SNTG1: variants seen among roughly 807,000 people sequenced by gnomAD.
The protein encoded by SNTG1 is gamma-1-syntrophin.
A neutral mutation model predicts 74.7 loss-of-function variants in SNTG1; 39 were observed. That is an observed-to-expected ratio of 0.52 (90% CI 0.40 to 0.68). The LOEUF is 0.68. Ranked by LOEUF, SNTG1 falls within the 30% of genes least tolerant of loss-of-function variation. The pLI is 0.00. For missense variants in SNTG1, 685 were observed against 609.5 expected (o/e 1.12, Z -1.30); for synonymous variants, 254 against 217.1 (o/e 1.17, Z -1.49).
rs1191795989 is a variant in SNTG1 at position 50,421,055 on chromosome 8, G to T, written c.163-17488G>T. ...AAAAAAAGGCGGTGGGCGGGGGAGG[G>T]GGGGGCGAAGATAAAGGGACATTTA... is the stretch of plus-strand genomic sequence containing the variant. On this transcript the variant is annotated intron_variant, in intron 4 of 18. Coordinates refer to ENST00000642720, the MANE Select transcript of SNTG1 (RefSeq NM_018967.5). Among the ~76,000 whole-genome samples the T allele has an allele frequency of 1.4e-4, 17 of 122,954 alleles. 1 individual carries two copies. The highest frequency in any genetic ancestry group is 6.2e-4 in the South Asian group (2 of 3,208). The allele number at this position is 122,954 out of a possible 152,430, so 80.7% of individuals were successfully genotyped here.
chr8:50,587,386 C>T (rs1034835950), intron 12 of SNTG1, among the ~76,000 whole-genome samples: 3 of 152,016 alleles, frequency 2.0e-5, no homozygotes, highest in Non-Finnish European at 4.4e-5. Flanking sequence ...AATGAATGCA[C>T]AGTGTTATAA....
At chr8:50,622,457 T>G (rs1261678667) in intron 13 of SNTG1, among the ~76,000 whole-genome samples, 1 of 152,128 alleles carries the variant, frequency 6.6e-6, no homozygotes, top group Non-Finnish European at 1.5e-5. Context: ...TTAGGGAAAA[T>G]AGTGTTTGAA....
At chr8:50,497,986 A>T (rs1226942182) in intron 8 of SNTG1, among the ~76,000 whole-genome samples, 1 of 151,888 alleles carries the variant, frequency 6.6e-6, no homozygotes, top group Admixed American at 6.6e-5. Flanking sequence ...TTATAAGGAT[A>T]TATCTCAGTT....
intron 18 of SNTG1, among the ~76,000 whole-genome samples, chr8:50,787,931 T>C (rs2095680323): frequency 6.6e-6 from 1 of 152,058 alleles, no homozygotes; most frequent in African/African-American, 2.4e-5. Context: ...TAGTTGTACA[T>C]CTGTGAATAT....
At chr8:50,594,259 A>G (rs1563623845) in intron 13 of SNTG1, among the ~76,000 whole-genome samples, 1 of 152,154 alleles carries the variant, frequency 6.6e-6, no homozygotes. Flanking sequence ...ATAATTTATT[A>G]TGTGTGTCAT....
intron 4 of SNTG1, among the ~76,000 whole-genome samples, chr8:50,424,647 G>A (rs1483073965): frequency 1.3e-5 from 2 of 152,188 alleles, no homozygotes; most frequent in African/African-American, 2.4e-5. Context: ...ACAGGAGGAT[G>A]TATGAGTCCA....
intron 18 of SNTG1, among the ~76,000 whole-genome samples, chr8:50,791,500 C>T (rs2095690525): frequency 6.6e-6 from 1 of 151,680 alleles, no homozygotes; most frequent in Admixed American, 6.6e-5. Flanking sequence ...TGTTGCATGA[C>T]CTGAGAAAAT....
intron 18 of SNTG1, among the ~76,000 whole-genome samples, chr8:50,767,464 C>T (rs1447530307): frequency 6.6e-6 from 1 of 151,904 alleles, no homozygotes; most frequent in African/African-American, 2.4e-5. Context: ...CCTCTGATAG[C>T]AAAAATTCAT....
intron 1 of SNTG1, among the ~76,000 whole-genome samples, chr8:50,084,422 T>G (rs1260606458): frequency 6.6e-6 from 1 of 152,068 alleles, no homozygotes; most frequent in Non-Finnish European, 1.5e-5. Context: ...GTCACACCAC[T>G]GCACTCCAGC....
At chr8:50,418,799 A>T (rs1012843237) in intron 4 of SNTG1, among the ~76,000 whole-genome samples, 1 of 152,138 alleles carries the variant, frequency 6.6e-6, no homozygotes, top group Non-Finnish European at 1.5e-5. Flanking sequence ...TGGATATGTC[A>T]TCTTTCCAGC....
At chr8:50,102,885 T>C (rs1325437231) in intron 1 of SNTG1, among the ~76,000 whole-genome samples, 1 of 149,278 alleles carries the variant, frequency 6.7e-6, no homozygotes, top group Admixed American at 6.7e-5. Context: ...TGCGGCGTTA[T>C]TTCTGAGGGC....
intron 18 of SNTG1, among the ~76,000 whole-genome samples, chr8:50,776,551 A>G (rs2095641479): frequency 6.7e-6 from 1 of 148,752 alleles, no homozygotes; most frequent in African/African-American, 2.4e-5. Context: ...TTTATATAAT[A>G]TTTTAAAATA....
At chr8:50,345,837 T>C (rs2091457230) in intron 2 of SNTG1, among the ~76,000 whole-genome samples, 1 of 152,360 alleles carries the variant, frequency 6.6e-6, no homozygotes, top group African/African-American at 2.4e-5. Flanking sequence ...TGGTTAATAT[T>C]CTCAACCTCT....
chr8:50,716,022 C>T (rs2095474079), intron 17 of SNTG1, among the ~76,000 whole-genome samples: 1 of 151,974 alleles, frequency 6.6e-6, no homozygotes, highest in Non-Finnish European at 1.5e-5. Context: ...TTTGATATGG[C>T]TTTGATAAAC....
At chr8:50,080,692 G>A (rs1693044471) in intron 1 of SNTG1, among the ~76,000 whole-genome samples, 1 of 151,970 alleles carries the variant, frequency 6.6e-6, no homozygotes, top group African/African-American at 2.4e-5. Flanking sequence ...AAACTTTTTG[G>A]GTTACATGAT....
At chr8:50,313,360 T>C (rs2090189417) in intron 2 of SNTG1, among the ~76,000 whole-genome samples, 1 of 149,506 alleles carries the variant, frequency 6.7e-6, no homozygotes, top group African/African-American at 2.5e-5. Context: ...AAGGAAACAA[T>C]TTAACAGGGC....
chr8:50,348,370 C>T (rs549222438), intron 2 of SNTG1, among the ~76,000 whole-genome samples: 17 of 152,296 alleles, frequency 1.1e-4, no homozygotes, highest in Non-Finnish European at 1.9e-4. Context: ...TCTGTCCCTG[C>T]ACCCACCCCC....
intron 2 of SNTG1, among the ~76,000 whole-genome samples, chr8:50,218,544 A>G (rs537213328): frequency 6.6e-6 from 1 of 151,268 alleles, no homozygotes; most frequent in African/African-American, 2.4e-5. Flanking sequence ...TCAGTATTAC[A>G]TTTTTTCTAT....
intron 1 of SNTG1, among the ~76,000 whole-genome samples, chr8:50,016,844 C>T (rs927245488): frequency 6.6e-6 from 1 of 151,984 alleles, no homozygotes; most frequent in African/African-American, 2.4e-5. Flanking sequence ...ACAGCAAATT[C>T]CACCAATACA....
Sources: allele counts gnomAD v4.1 joint callset (sites outside exome capture counted in the v4.1 genomes callset), GRCh38; gene constraint gnomAD v4.1.1; transcripts MANE v1.5; gene names NCBI Gene and HGNC (gene_info 2026-07-23, HGNC 2026-07-21).